NBPF12: variants seen among roughly 807,000 people sequenced by gnomAD.
NBPF12 encodes the protein NBPF member 12.
Under a neutral mutation model 146.4 loss-of-function variants are expected in NBPF12, and 115 were observed. The ratio of observed to expected loss-of-function variants is 0.79; its 90% confidence interval spans 0.68 to 0.92. The LOEUF is 0.92. Ranked by LOEUF, NBPF12 falls within the 40% of genes least tolerant of loss-of-function variation. NBPF12 has a pLI of 0.00. For synonymous variants in NBPF12, 385 were observed against 508.9 expected, an observed-to-expected ratio of 0.76 and a Z score of 3.28; for missense variants, 1,205 against 1,326.8, an observed-to-expected ratio of 0.91 and a Z score of 1.43.
chr1:146,994,283 G>T (rs782389803), intron 33 of NBPF12, 49 bp from the exon 37 acceptor site: 3 of 1,611,072 alleles, frequency 1.9e-6, no homozygotes, highest in Non-Finnish European at 2.5e-6. Flanking sequence ...GAGGCTCTGT[G>T]GTGTCTGACT....
At chr1:146,961,489 A>G (rs1215101830) in intron 4 of NBPF12, among the ~76,000 whole-genome samples, 1 of 151,190 alleles carries the variant, frequency 6.6e-6, no homozygotes, top group Non-Finnish European at 1.5e-5. Flanking sequence ...TGTAAACACT[A>G]TTAGTTCTTC....
intron 2 of NBPF12, among the ~76,000 whole-genome samples, chr1:146,953,042 G>T (rs1369788269): frequency 2.0e-5 from 3 of 151,024 alleles, no homozygotes; most frequent in South Asian, 2.1e-4. Flanking sequence ...GCCTGTAAAG[G>T]TCCTGTGGCG....
chr1:146,944,652 G>T (rs1439352204), upstream of NBPF12, among the ~76,000 whole-genome samples: 1 of 151,790 alleles, frequency 6.6e-6, no homozygotes, highest in African/African-American at 2.4e-5. Flanking sequence ...AGAAGGGGTT[G>T]TACCCCATGG....
chr1:146,969,791 T>C (rs1656463130), intron 11 of NBPF12, among the ~76,000 whole-genome samples, 195 bp downstream of exon 14: 1 of 151,292 alleles, frequency 6.6e-6, no homozygotes, highest in African/African-American at 2.4e-5. Context: ...GTATTGCAAG[T>C]GTCCCTCCTT....
intron 1 of NBPF12, among the ~76,000 whole-genome samples, chr1:146,939,268 G>A (rs1253191385): frequency 3.3e-5 from 5 of 152,058 alleles, no homozygotes; most frequent in African/African-American, 7.3e-5. Flanking sequence ...GAGCAGCTTC[G>A]GGGGCACGTC....
rs1162448852 is a variant in NBPF12, at chr1:146,941,731, T to C, written c.-821-1560T>C. On this transcript the variant is annotated intron_variant, in intron 1 of 35. Coordinates refer to the NBPF12 transcript ENST00000617931. ...ATTACACTACTGTACTCCAGCCTGGTTGACAGAGCAAGACTCTGTCTTGTA... is the reference window on the plus strand; with the variant it reads ...ATTACACTACTGTACTCCAGCCTGGCTGACAGAGCAAGACTCTGTCTTGTA... Among the ~76,000 whole-genome samples, 6 of 141,330 alleles carry C rather than the reference T, an allele frequency of 4.2e-5. No individual in the cohort carries two copies. The East Asian group carries it at 1.3e-3, about 30-fold the overall frequency. 92.7% of individuals were successfully genotyped at this position (141,330 alleles called of 152,430 possible).
chr1:146,954,883 A>C lies in NBPF12; in HGVS notation c.-184+3394A>C, dbSNP rs1186245639. Among the ~76,000 whole-genome samples, 196 of 118,188 alleles carry C rather than the reference A, an allele frequency of 1.7e-3. 3 individuals carry two copies. Among genetic ancestry groups the C allele is most frequent in the African/African-American group, 6.2e-3 (189 of 30,676 alleles). The allele number at this position is 118,188 out of a possible 152,430, so 77.5% of individuals were successfully genotyped here. A position where few individuals can be genotyped will look rare whatever the true frequency, so the allele number is the denominator to read the frequency against. On this transcript the variant is annotated intron_variant, in intron 2 of 33. Coordinates refer to ENST00000617844, the Ensembl canonical transcript of NBPF12. Reference sequence around the variant, plus strand: ...GACATATATATATGTATACACACCCACACACACACACACAAACGTGTGTGT... The same window carrying C: ...GACATATATATATGTATACACACCCCCACACACACACACAAACGTGTGTGT...
intron 2 of NBPF12, among the ~76,000 whole-genome samples, chr1:146,952,363 C>T (rs1244870157): frequency 1.3e-5 from 2 of 152,074 alleles, no homozygotes; most frequent in African/African-American, 2.4e-5. Flanking sequence ...TCTCTTGCAT[C>T]GTCCCTCAGC....
chr1:146,950,259 A>T (rs1422521315), intron 1 of NBPF12, among the ~76,000 whole-genome samples: 4 of 151,660 alleles, frequency 2.6e-5, no homozygotes, highest in Non-Finnish European at 5.9e-5. Flanking sequence ...CATCTAAAAC[A>T]TCCACACCAG....
chr1:146,950,879 A>G (rs1345634449), intron 1 of NBPF12, among the ~76,000 whole-genome samples: 2 of 152,126 alleles, frequency 1.3e-5, no homozygotes, highest in African/African-American at 2.4e-5. Context: ...ACATTCTTGT[A>G]TATATCATTT....
upstream of NBPF12, among the ~76,000 whole-genome samples, chr1:146,945,787 G>T (rs1655029284): frequency 6.6e-6 from 1 of 152,010 alleles, no homozygotes; most frequent in African/African-American, 2.4e-5. Flanking sequence ...AACCACTGTT[G>T]ATACATCATT....
chr1:146,991,589 G>T (rs1314763997), intron 30 of NBPF12, among the ~76,000 whole-genome samples: 5 of 152,166 alleles, frequency 3.3e-5, no homozygotes, highest in Non-Finnish European at 7.4e-5. Flanking sequence ...TCAAGGGTTT[G>T]TAGATTTCCT....
chr1:146,975,542 C>T (rs1656938006), intron 15 of NBPF12, 135 bp from the exon 19 acceptor site: 9 of 596,572 alleles, frequency 1.5e-5, no homozygotes, highest in South Asian at 6.0e-5. Context: ...TGGCCACAGA[C>T]ATTCCTTTCA....
At position 146,958,320 on chromosome 1, in the gene NBPF12, G is replaced by C. The variant is rs1472255842; in HGVS notation, c.-183-1539G>C. Among the ~76,000 whole-genome samples the C allele has an allele frequency of 3.0e-5, 4 of 133,250 alleles. 1 individual carries two copies. In the East Asian group the frequency reaches 1.0e-3, roughly 34 times the overall value. The allele number at this position is 133,250 out of a possible 152,430, so 87.4% of individuals were successfully genotyped here. A position where few individuals can be genotyped will look rare whatever the true frequency, so the allele number is the denominator to read the frequency against. Reference sequence around the variant, plus strand: ...AAAGACTTTTAAGTAAAACGATTTTGAGTGAAATAATATTTGTTGTTTTAA... The same window carrying C: ...AAAGACTTTTAAGTAAAACGATTTTCAGTGAAATAATATTTGTTGTTTTAA... On this transcript the variant is annotated intron_variant, in intron 2 of 33. Coordinates refer to ENST00000617844, the Ensembl canonical transcript of NBPF12.
At chr1:146,947,217 A>C (rs1553883424), upstream of NBPF12, among the ~76,000 whole-genome samples, 4 of 150,778 alleles carry the variant, frequency 2.7e-5, no homozygotes, top group South Asian at 8.5e-4. Flanking sequence ...GTCTTCAAGG[A>C]GTTTTTAATG....
chr1:146,965,377 A>G (rs1445664387), intron 8 of NBPF12, among the ~76,000 whole-genome samples: 20 of 150,994 alleles, frequency 1.3e-4, no homozygotes, highest in African/African-American at 7.4e-5. Context: ...CTGCGTGCCT[A>G]TAGTCCCAAC....
chr1:146,954,927 A>G (rs1324304068), intron 2 of NBPF12, among the ~76,000 whole-genome samples: 2 of 92,352 alleles, frequency 2.2e-5, no homozygotes, highest in African/African-American at 8.5e-5. Flanking sequence ...GTGTGTATAT[A>G]TATATATTCA....
chr1:146,938,699 G>A (rs1559512930), upstream of NBPF12: 1 of 152,122 alleles, frequency 6.6e-6, no homozygotes, highest in Non-Finnish European at 1.5e-5. Flanking sequence ...TCCCTTTAAG[G>A]CCCAGCTGCG....
intron 20 of NBPF12, 81 bp downstream of exon 23, chr1:146,983,172 T>C: frequency 6.6e-7 from 1 of 1,520,560 alleles, no homozygotes; most frequent in Non-Finnish European, 8.8e-7. Flanking sequence ...TTGTGCCCCT[T>C]GTTGGGCTGA....
Sources: allele counts gnomAD v4.1 joint callset (sites outside exome capture counted in the v4.1 genomes callset), GRCh38; gene constraint gnomAD v4.1.1; transcripts MANE v1.5; gene names NCBI Gene and HGNC (gene_info 2026-07-23, HGNC 2026-07-21).